CHRNB4: variants seen among roughly 807,000 people sequenced by gnomAD.
CHRNB4 encodes the protein neuronal acetylcholine receptor subunit beta-4.
In CHRNB4, 23 loss-of-function variants were observed where a neutral mutation model predicts 40.4. The ratio of observed to expected loss-of-function variants is 0.57; its 90% CI spans 0.41 to 0.81. The LOEUF is 0.81. CHRNB4 is among the 30% of genes least tolerant of loss of function. The pLI is 0.00. For synonymous variants in CHRNB4, 285 were observed against 274.4 expected (o/e 1.04, Z -0.38); for missense variants, 568 against 670.6 (o/e 0.85, Z 1.69).
chr15:78,648,385 T>TCTG (rs1342093373), intron 7 of CHRNB4, among the ~76,000 whole-genome samples: 1 of 136,786 alleles, frequency 7.3e-6, no homozygotes, highest in African/African-American at 2.8e-5. Context: ...AGAGCGAGAC[T>TCTG]TGCCTCAAAA....
intron 2 of CHRNB4, 67 bp downstream of exon 2, chr15:78,635,372 C>A: frequency 6.4e-7 from 1 of 1,572,692 alleles, no homozygotes; most frequent in East Asian, 2.2e-5. Flanking sequence ...GACCAATGAT[C>A]GCCTGGGGCT....
chr15:78,635,365 C>T, intron 2 of CHRNB4, 74 bp downstream of exon 2: 1 of 1,561,182 alleles, frequency 6.4e-7, no homozygotes, highest in Non-Finnish European at 8.7e-7. Context: ...TTCCTTTGAC[C>T]AATGATCGCC....
intron 7 of CHRNB4, among the ~76,000 whole-genome samples, chr15:78,648,116 G>A (rs946523063): frequency 7.9e-5 from 12 of 152,064 alleles, no homozygotes; most frequent in African/African-American, 2.2e-4. Flanking sequence ...TGGTAGGGCC[G>A]GGCGAGGTGG....
chr15:78,658,028 CTT>C (rs71448810), intron 2 of CHRNB4, among the ~76,000 whole-genome samples: 1,198 of 90,516 alleles, frequency 0.013, 8 homozygotes, highest in African/African-American at 0.044. Context: ...TCTTGTTTCT[CTT>C]TTTTTTTTTT....
exon 2 of CHRNB4, chr15:78,658,345 A>T (rs1045177955): frequency 6.6e-6 from 1 of 152,018 alleles, no homozygotes; most frequent in African/African-American, 2.4e-5. Flanking sequence ...GTTTATTTCT[A>T]TATCACCTGG....
intron 6 of CHRNB4, chr15:78,649,475 T>C (rs2054153872): frequency 4.5e-6 from 2 of 439,612 alleles, no homozygotes; most frequent in South Asian, 3.3e-5. Flanking sequence ...TAAAGCACTA[T>C]AAAAAACAAA....
intron 1 of CHRNB4, among the ~76,000 whole-genome samples, chr15:78,658,677 C>T (rs887118187): frequency 1.3e-5 from 2 of 152,130 alleles, no homozygotes; most frequent in African/African-American, 4.8e-5. Context: ...TAAGTGCTTC[C>T]TGCATACCAG....
chr15:78,641,194 G>T lies in CHRNB4; in HGVS notation c.-61C>A. ...CGCTGTGGGGTCACAGGGCACCCGTGAGCCGCGCGGTCGAGTGAGCGCCGG... is the reference window on the plus strand; with the variant it reads ...CGCTGTGGGGTCACAGGGCACCCGTTAGCCGCGCGGTCGAGTGAGCGCCGG... On this transcript the variant is annotated 5_prime_UTR_variant, in exon 1 of 6. Transcript: ENST00000261751. The T allele has an allele frequency of 7.0e-7, 1 of 1,423,970 alleles. No individual in the cohort carries two copies. The highest frequency in any genetic ancestry group is 9.2e-7 in the Non-Finnish European group (1 of 1,085,744). 88.2% of individuals were successfully genotyped at this position (1,423,970 alleles called of 1,614,324 possible). A position where few individuals can be genotyped will look rare whatever the true frequency, so the allele number is the denominator to read the frequency against.
intron 4 of CHRNB4, 191 bp downstream of exon 4, chr15:78,630,885 C>T (rs1195515918): frequency 3.4e-6 from 2 of 584,930 alleles, no homozygotes; most frequent in East Asian, 5.8e-5. Flanking sequence ...CTCCCTCAGC[C>T]TCCAACTCCC....
At chr15:78,641,234 G>A, upstream of CHRNB4, 1 of 1,133,112 alleles carries the variant, frequency 8.8e-7, no homozygotes, top group South Asian at 1.9e-5. Context: ...GGCCCCCGAG[G>A]TTTGCTGGCG....
intron 2 of CHRNB4, among the ~76,000 whole-genome samples, chr15:78,633,026 G>A (rs1275296017): frequency 6.6e-6 from 1 of 152,160 alleles, no homozygotes; most frequent in African/African-American, 2.4e-5. Context: ...CCTTCGCAGG[G>A]TCTACGGGGC....
intron 5 of CHRNB4, chr15:78,625,851 T>G (rs1302276901): frequency 6.6e-6 from 1 of 152,236 alleles, no homozygotes. Context: ...ATCATTCAGG[T>G]CTCTCTGGTC....
chr15:78,644,204 T>C, upstream of CHRNB4, among the ~76,000 whole-genome samples: 1 of 151,530 alleles, frequency 6.6e-6, no homozygotes. Context: ...ACAAAAACCT[T>C]AGAATATATC....
chr15:78,660,987 C>T (rs1596128110), upstream of CHRNB4: 4 of 477,284 alleles, frequency 8.4e-6, no homozygotes, highest in East Asian at 1.9e-4. Flanking sequence ...TTCTTTCTTT[C>T]CTCTCTTTCT....
At chr15:78,639,942 G>A (rs2054034877) in intron 1 of CHRNB4, among the ~76,000 whole-genome samples, 2 of 152,212 alleles carry the variant, frequency 1.3e-5, no homozygotes, top group African/African-American at 4.8e-5. Flanking sequence ...ACGATACACA[G>A]ACTGCCTGCA....
At chr15:78,659,067 A>C (rs1320344423) in intron 1 of CHRNB4, among the ~76,000 whole-genome samples, 1 of 152,190 alleles carries the variant, frequency 6.6e-6, no homozygotes, top group East Asian at 1.9e-4. Context: ...GTAGTGGACA[A>C]AACAAAATCC....
upstream of CHRNB4, among the ~76,000 whole-genome samples, chr15:78,646,096 G>A (rs373915235): frequency 3.3e-5 from 5 of 151,712 alleles, no homozygotes; most frequent in African/African-American, 9.7e-5. Context: ...AGGTCAGTGA[G>A]TAATGGAAGG....
chr15:78,661,214 T>TA, upstream of CHRNB4: 1 of 610,348 alleles, frequency 1.6e-6, no homozygotes, highest in Non-Finnish European at 3.2e-6. Context: ...CTGCTGCCCT[T>TA]GGGGGAGTCC....
At chr15:78,656,893 C>CA (rs1298069845) in intron 3 of CHRNB4, among the ~76,000 whole-genome samples, 1 of 152,218 alleles carries the variant, frequency 6.6e-6, no homozygotes, top group African/African-American at 2.4e-5. Context: ...AGCACACCTG[C>CA]ATGCATAGCT....
Sources: gnomAD v4.1 joint callset for allele counts (sites outside exome capture counted in the v4.1 genomes callset) on GRCh38, gnomAD v4.1.1 for gene constraint, MANE v1.5 for transcripts, NCBI Gene and HGNC (gene_info 2026-07-23, HGNC 2026-07-21) for gene names.